Variants in SNTG2 observed in about 807,000 individuals in gnomAD.
SNTG2 encodes syntrophin gamma 2.
In SNTG2, 74 loss-of-function variants were observed where a neutral mutation model predicts 70.9. The observed-to-expected ratio is 1.04, with a 90% CI of 0.86 to 1.27. The LOEUF is 1.27. Among genes scored for constraint, SNTG2 ranks in the 50% most tolerant of loss-of-function variants. SNTG2 has a pLI of 0.00. For missense variants in SNTG2, 717 were observed against 690.7 expected (o/e 1.04, Z -0.43); for synonymous variants, 278 against 273.8 (o/e 1.02, Z -0.15).
chr2:1,178,593 G>GA (rs1256082425), intron 8 of SNTG2, among the ~76,000 whole-genome samples: 1 of 152,146 alleles, frequency 6.6e-6, no homozygotes, highest in Non-Finnish European at 1.5e-5. Context: ...ATATTTATGT[G>GA]ATGGATTATG....
At chr2:1,111,046 C>A (rs1488727439) in intron 4 of SNTG2, among the ~76,000 whole-genome samples, 58 of 152,240 alleles carry the variant, frequency 3.8e-4, no homozygotes, top group Non-Finnish European at 1.5e-5. Flanking sequence ...CTCAAGTTAG[C>A]TTTCCGTAAG....
chr2:1,146,892 G>C (rs975776256), intron 6 of SNTG2, among the ~76,000 whole-genome samples: 1 of 152,202 alleles, frequency 6.6e-6, no homozygotes, highest in Non-Finnish European at 1.5e-5. Flanking sequence ...ACCAGCTGCA[G>C]AAATGAGAAC....
chr2:1,195,677 G>T (rs1196679314), intron 8 of SNTG2, among the ~76,000 whole-genome samples: 1 of 152,154 alleles, frequency 6.6e-6, no homozygotes, highest in Non-Finnish European at 1.5e-5. Context: ...TAGGCTGCCT[G>T]TTCACTCTGA....
At chr2:1,162,732 AGAG>A (rs1670407589) in intron 6 of SNTG2, among the ~76,000 whole-genome samples, 2 of 152,240 alleles carry the variant, frequency 1.3e-5, no homozygotes, top group East Asian at 1.9e-4. Flanking sequence ...TTTTCACCAA[AGAG>A]GAGAAGAAAA....
chr2:1,103,379 C>CTTTTTTTTTTTTTTTTTTTTT (rs758261408), intron 4 of SNTG2: 2 of 241,158 alleles, frequency 8.3e-6, no homozygotes, highest in African/African-American at 2.5e-5. Context: ...TTATAAATTT[C>CTTTTTTTTTTTTTTTTTTTTT]TTTTTTTTTT....
intron 8 of SNTG2, among the ~76,000 whole-genome samples, chr2:1,193,772 T>C (rs1451051912): frequency 1.3e-5 from 2 of 152,224 alleles, no homozygotes; most frequent in Non-Finnish European, 2.9e-5. Flanking sequence ...ATCTACTGCA[T>C]GTTTCTAGGT....
At chr2:1,272,181 C>T (rs892472908) in intron 14 of SNTG2, among the ~76,000 whole-genome samples, 5 of 151,808 alleles carry the variant, frequency 3.3e-5, no homozygotes, top group African/African-American at 4.8e-5. Flanking sequence ...TTATACAACC[C>T]GCCATAATGC....
At chr2:1,049,299 C>T (rs533987857) in intron 1 of SNTG2, among the ~76,000 whole-genome samples, 4 of 152,292 alleles carry the variant, frequency 2.6e-5, no homozygotes, top group Non-Finnish European at 4.4e-5. Context: ...CCCTAAAATT[C>T]CTCTGTGCTC....
At chr2:1,237,625 T>C (rs1298038730) in intron 9 of SNTG2, among the ~76,000 whole-genome samples, 5 of 152,226 alleles carry the variant, frequency 3.3e-5, no homozygotes, top group Non-Finnish European at 7.3e-5. Context: ...AACTCCAGAA[T>C]TTCAGGAGCA....
intron 9 of SNTG2, among the ~76,000 whole-genome samples, chr2:1,224,783 C>T (rs898430648): frequency 1.3e-4 from 20 of 152,146 alleles, no homozygotes; most frequent in African/African-American, 4.1e-4. Flanking sequence ...TGTTCTGAAT[C>T]GGGGCTCGCC....
intron 8 of SNTG2, among the ~76,000 whole-genome samples, chr2:1,187,388 C>T (rs1479979795): frequency 1.3e-5 from 2 of 152,064 alleles, no homozygotes; most frequent in East Asian, 1.9e-4. Flanking sequence ...CAGTTGAAGG[C>T]CTTAAAACAA....
intron 4 of SNTG2, among the ~76,000 whole-genome samples, chr2:1,122,554 G>A (rs768479423): frequency 2.5e-4 from 38 of 152,032 alleles, no homozygotes; most frequent in Non-Finnish European, 5.1e-4. Context: ...ACCAGTTCAG[G>A]TATAGACAGC....
chr2:1,223,873 C>CACAGATGGGTGGCCTTACGCAGCAG (rs1675556308), intron 9 of SNTG2, among the ~76,000 whole-genome samples: 2 of 151,596 alleles, frequency 1.3e-5, no homozygotes, highest in Non-Finnish European at 3.0e-5. Flanking sequence ...TTACGCAGCA[C>CACAGATGGGTGGCCTTACGCAGCAG]ACAGATGGGT....
At chr2:987,452 G>C (rs771863951) in intron 1 of SNTG2, among the ~76,000 whole-genome samples, 3 of 151,996 alleles carry the variant, frequency 2.0e-5, no homozygotes, top group Admixed American at 6.6e-5. Context: ...GTGTGTCACG[G>C]GGGCCTTTAC....
intron 1 of SNTG2, among the ~76,000 whole-genome samples, chr2:1,001,111 A>C: frequency 6.6e-6 from 1 of 152,060 alleles, no homozygotes; most frequent in East Asian, 1.9e-4. Flanking sequence ...TATTGAAGGA[A>C]CATACATAAA....
intron 8 of SNTG2, among the ~76,000 whole-genome samples, chr2:1,204,874 T>G (rs971264570): frequency 6.6e-6 from 1 of 152,200 alleles, no homozygotes; most frequent in African/African-American, 2.4e-5. Flanking sequence ...TGCTTATTAT[T>G]AAAGCAGAAA....
intron 6 of SNTG2, among the ~76,000 whole-genome samples, chr2:1,143,594 GT>G (rs1668894297): frequency 6.6e-6 from 1 of 151,622 alleles, no homozygotes; most frequent in African/African-American, 2.4e-5. Context: ...TTTGGCCAAT[GT>G]CAGTGACTCA....
chr2:1,173,260 A>T, intron 8 of SNTG2, 77 bp downstream of exon 8: 2 of 1,309,636 alleles, frequency 1.5e-6, no homozygotes, highest in Non-Finnish European at 2.2e-6. Context: ...AGACAGAATT[A>T]AAAAGATGCT....
At chr2:1,148,394 A>C (rs1174162628) in intron 6 of SNTG2, among the ~76,000 whole-genome samples, 2 of 152,184 alleles carry the variant, frequency 1.3e-5, no homozygotes, top group Non-Finnish European at 2.9e-5. Flanking sequence ...TTCCCAGGGC[A>C]GCCCAGGTGC....
Sources: gnomAD v4.1 joint callset for allele counts (sites outside exome capture counted in the v4.1 genomes callset) on GRCh38, gnomAD v4.1.1 for gene constraint, MANE v1.5 for transcripts, NCBI Gene and HGNC (gene_info 2026-07-23, HGNC 2026-07-21) for gene names.